PACRGL: variants seen among roughly 807,000 people sequenced by gnomAD.
PACRGL encodes PACRG-like protein.
A neutral mutation model predicts 34.5 loss-of-function variants in PACRGL; 38 were observed. That is an observed-to-expected ratio of 1.10 (90% CI 0.85 to 1.44). The LOEUF (loss-of-function observed/expected upper bound fraction) is 1.44. Among genes scored for constraint, PACRGL ranks in the 40% most tolerant of loss-of-function variants. PACRGL has a pLI of 0.00. For synonymous variants in PACRGL, 128 were observed against 100.1 expected (o/e 1.28, Z -1.66); for missense variants, 305 against 281.4 (o/e 1.08, Z -0.60).
upstream of PACRGL, among the ~76,000 whole-genome samples, chr4:20,698,538 C>T (rs1421245087): frequency 6.6e-6 from 1 of 152,170 alleles, no homozygotes; most frequent in East Asian, 1.9e-4. Flanking sequence ...CTAGTTAGCT[C>T]CCCCTGGATG....
At position 20,729,962 on chromosome 4, in the gene PACRGL, T is replaced by TGTTTGCATA; in HGVS notation, c.*2622_*2630dup. The TGTTTGCATA allele has an allele frequency of 8.4e-7, 1 of 1,183,912 alleles. No individual in the cohort carries two copies. The highest frequency in any genetic ancestry group is 1.6e-5 in the African/African-American group (1 of 64,080). The allele number at this position is 1,183,912 out of a possible 1,614,324, so 73.3% of individuals were successfully genotyped here. On this transcript the variant is annotated 3_prime_UTR_variant, in exon 9 of 9. Transcript: ENST00000503585. ...GATTGCTTTATATTAAAACAAAGCT[T>TGTTTGCATA]GTTTGCATAATATGCTTCAGTGTCA... is the stretch of plus-strand genomic sequence containing the variant.
At position 20,727,956 on chromosome 4, in the gene PACRGL, T is replaced by TTTTGAAA. The variant is rs1385447868; in HGVS notation, c.*620_*626dup. The TTTTGAAA allele has an allele frequency of 6.6e-6, 1 of 152,256 alleles. No individual in the cohort carries two copies. The highest frequency in any genetic ancestry group is 1.5e-5 in the Non-Finnish European group (1 of 68,168). The allele number at this position is 152,256 out of a possible 1,614,324, so 9.4% of individuals were successfully genotyped here. A position where few individuals can be genotyped will look rare whatever the true frequency, so the allele number is the denominator to read the frequency against. ...GGCGTGTGCCACCATGCCCAGCTAA[T>TTTTGAAA]TTTGAAATTTGCTTGTAGAGATGGG... On this transcript the variant is annotated 3_prime_UTR_variant, in exon 9 of 9. Coordinates refer to ENST00000503585, the MANE Select transcript of PACRGL (RefSeq NM_001258345.3).
At chr4:20,755,244 C>T (rs758328589), downstream of PACRGL, among the ~76,000 whole-genome samples, 4 of 151,994 alleles carry the variant, frequency 2.6e-5, no homozygotes, top group Non-Finnish European at 5.9e-5. Context: ...AAAAGTCCAC[C>T]GAAAACAAAA....
At chr4:20,739,647 G>T (rs1259837854) in intron 8 of PACRGL, among the ~76,000 whole-genome samples, 1 of 152,166 alleles carries the variant, frequency 6.6e-6, no homozygotes, top group African/African-American at 2.4e-5. Flanking sequence ...AGAAACCAGA[G>T]CAGAAAAGCT....
upstream of PACRGL, among the ~76,000 whole-genome samples, chr4:20,698,668 G>T (rs1731362809): frequency 6.6e-6 from 1 of 152,184 alleles, no homozygotes; most frequent in Non-Finnish European, 1.5e-5. Flanking sequence ...AATGATGACA[G>T]AAAGTTTAGA....
Position 20,713,545 on chromosome 4 carries a change from T to A in PACRGL, c.609+6T>A. The A allele has an allele frequency of 6.3e-7, 1 of 1,588,660 alleles. No homozygotes were observed. The highest frequency in any genetic ancestry group is 1.1e-5 in the South Asian group (1 of 90,516). On this transcript the variant is annotated splice_donor_region_variant and intron_variant, in intron 7 of 8. Transcript: ENST00000503585. ...TGAAGCATCTGCTTACAAGCGTAAG[T>A]ACTGCAAAGATTAGATAATGATTGA...
downstream of PACRGL, among the ~76,000 whole-genome samples, chr4:20,734,942 C>A (rs1341747203): frequency 6.6e-6 from 1 of 152,096 alleles, no homozygotes; most frequent in Non-Finnish European, 1.5e-5. Context: ...TAATTGGAAA[C>A]TGAGTTAAAT....
At chr4:20,718,182 G>A (rs1299129817) in intron 7 of PACRGL, among the ~76,000 whole-genome samples, 2 of 152,140 alleles carry the variant, frequency 1.3e-5, no homozygotes, top group African/African-American at 4.8e-5. Flanking sequence ...CATTGATTTT[G>A]TATCCTGAGA....
downstream of PACRGL, among the ~76,000 whole-genome samples, chr4:20,734,229 C>A (rs997244035): frequency 1.1e-4 from 17 of 152,164 alleles, no homozygotes; most frequent in Admixed American, 5.9e-4. Context: ...CCCACCATTG[C>A]GTCAGGTCAT....
At chr4:20,741,551 C>T (rs1388548610) in intron 8 of PACRGL, among the ~76,000 whole-genome samples, 1 of 152,188 alleles carries the variant, frequency 6.6e-6, no homozygotes, top group Non-Finnish European at 1.5e-5. Context: ...ACCAGAATCT[C>T]TGGGACACAT....
At chr4:20,699,223 A>AT (rs36062451), upstream of PACRGL, among the ~76,000 whole-genome samples, 13 of 150,724 alleles carry the variant, frequency 8.6e-5, no homozygotes, top group East Asian at 2.0e-4. Flanking sequence ...AGGATATAAG[A>AT]TTTTTTTTTT....
At chr4:20,735,530 GTTTTTTTTTTTT>G (rs10542507), downstream of PACRGL, among the ~76,000 whole-genome samples, 53 of 109,718 alleles carry the variant, frequency 4.8e-4, no homozygotes, top group African/African-American at 1.8e-3. Flanking sequence ...TTTTTTTTTT[GTTTTTTTTTTTT>G]TTTTTGAGAT....
At chr4:20,754,111 A>G (rs190560414), downstream of PACRGL, among the ~76,000 whole-genome samples, 62 of 152,310 alleles carry the variant, frequency 4.1e-4, no homozygotes, top group Admixed American at 1.0e-3. Context: ...TTGTGTAACC[A>G]TATAGGCAAT....
At chr4:20,752,434 A>T (rs1753825397) in intron 8 of PACRGL, 1 of 152,190 alleles carries the variant, frequency 6.6e-6, no homozygotes, top group African/African-American at 2.4e-5. Flanking sequence ...TACTTATTAA[A>T]ATTTCAGTAA....
chr4:20,730,285 T>G lies in PACRGL; in HGVS notation c.*2944T>G, dbSNP rs1051982073. Among the ~76,000 whole-genome samples, 6 of 152,378 alleles carry G rather than the reference T, an allele frequency of 3.9e-5. No homozygotes were observed. The East Asian group carries it at 7.7e-4, about 20-fold the overall frequency. On this transcript the variant is annotated 3_prime_UTR_variant, in exon 9 of 9. Transcript: ENST00000503585. ...GTTTGCAAATGTAAATGCCATTCTA[T>G]TCTATCCATTTTCCACATAGATGAC...
intron 8 of PACRGL, among the ~76,000 whole-genome samples, chr4:20,738,361 A>C (rs1275300772): frequency 6.6e-6 from 1 of 152,210 alleles, no homozygotes; most frequent in Non-Finnish European, 1.5e-5. Flanking sequence ...ATTGGTTCTC[A>C]AAATATAATG....
chr4:20,719,316 G>A (rs958181030), intron 7 of PACRGL, among the ~76,000 whole-genome samples: 1 of 152,082 alleles, frequency 6.6e-6, no homozygotes, highest in African/African-American at 2.4e-5. Context: ...GGTGTTTTGT[G>A]TCTCTATCTC....
At chr4:20,714,365 A>T (rs553622864) in intron 7 of PACRGL, among the ~76,000 whole-genome samples, 1 of 151,944 alleles carries the variant, frequency 6.6e-6, no homozygotes, top group Admixed American at 6.6e-5. Context: ...ATCTTCCTCC[A>T]TCCTTTTATT....
chr4:20,716,216 A>G (rs1739902398), intron 7 of PACRGL: 1 of 889,646 alleles, frequency 1.1e-6, no homozygotes, highest in Non-Finnish European at 1.8e-6. Context: ...GTTTCTTACA[A>G]CACACAAAAA....
Sources: allele counts gnomAD v4.1 joint callset (sites outside exome capture counted in the v4.1 genomes callset), GRCh38; gene constraint gnomAD v4.1.1; transcripts MANE v1.5; gene names NCBI Gene and HGNC (gene_info 2026-07-23, HGNC 2026-07-21).